Variants in KDM4B observed in about 807,000 individuals in gnomAD.
The protein encoded by KDM4B is lysine-specific demethylase 4B.
In KDM4B, 32 loss-of-function variants were observed where a neutral mutation model predicts 125.2. The ratio of observed to expected loss-of-function variants is 0.26; its 90% CI spans 0.19 to 0.34. The LOEUF (loss-of-function observed/expected upper bound fraction) is 0.34, where lower values mean the gene tolerates loss of function less well. Among genes scored for constraint, KDM4B ranks in the 10% least tolerant of loss-of-function variants. The pLI is 1.00. For missense variants in KDM4B, 1,190 were observed against 1,577.7 expected (o/e 0.75, Z 4.16); for synonymous variants, 721 against 677.9 (o/e 1.06, Z -0.99).
In KDM4B at chr19:5,047,659, C is replaced by T. The variant is rs1334539463; in HGVS notation, c.616C>T (p.Pro206Ser). Residue 206 changes from proline to serine, a missense_variant, in exon 6 of 23, where the codon CCT becomes TCT. Pro to Ser is a moderately conservative substitution (Grantham distance 74, BLOSUM62 -1). Around this residue, in one of 7 missense-constraint regions of KDM4B, gnomAD observed 75 missense variants for 218.2 expected, o/e 0.34. Coordinates refer to ENST00000159111, the MANE Select transcript of KDM4B (RefSeq NM_015015.3). ...CATCAACTACCTGCACTTTGGGGAG[C>T]CTAAGTCCTGGTGAGTGTCTGCACT... ...YSINYLHFGE[P>S]KSWYAIPPEH... The T allele has an allele frequency of 2.5e-6, 4 of 1,613,720 alleles. No homozygotes were observed. The highest frequency in any genetic ancestry group is 1.7e-6 in the Non-Finnish European group (2 of 1,179,732).
intron 6 of KDM4B, among the ~76,000 whole-genome samples, chr19:5,068,027 A>G (rs544672752): frequency 3.0e-4 from 45 of 152,016 alleles, no homozygotes; most frequent in African/African-American, 1.1e-3. Flanking sequence ...TAATAGCCAG[A>G]CAGATGCTCC....
At chr19:5,111,546 C>G in intron 10 of KDM4B, 1 of 761,920 alleles carries the variant, frequency 1.3e-6, no homozygotes. Context: ...AGAGTGAAGG[C>G]GAGCACCGGC....
At chr19:5,039,062 G>A (rs1394475201) in intron 3 of KDM4B, among the ~76,000 whole-genome samples, 1 of 152,268 alleles carries the variant, frequency 6.6e-6, no homozygotes, top group East Asian at 1.9e-4. Flanking sequence ...TGGGCTCTTG[G>A]TAGCCAGTGG....
intron 9 of KDM4B, among the ~76,000 whole-genome samples, chr19:5,101,936 A>G (rs889206476): frequency 6.6e-5 from 10 of 152,146 alleles, no homozygotes; most frequent in Non-Finnish European, 1.3e-4. Flanking sequence ...CCCAGCCCAG[A>G]CACCCACCTT....
intron 11 of KDM4B, among the ~76,000 whole-genome samples, chr19:5,125,101 T>C (rs1400886277): frequency 2.0e-5 from 3 of 151,988 alleles, no homozygotes; most frequent in African/African-American, 7.3e-5. Flanking sequence ...GGTCTCGCTA[T>C]GTTGCCCAAG....
At chr19:5,133,489 G>A (rs1432842382) in intron 13 of KDM4B, among the ~76,000 whole-genome samples, 1 of 152,240 alleles carries the variant, frequency 6.6e-6, no homozygotes, top group Non-Finnish European at 1.5e-5. Flanking sequence ...GACGGGTGTA[G>A]GGCAGCCGGG....
At chr19:5,084,997 C>T (rs1392806376) in intron 9 of KDM4B, among the ~76,000 whole-genome samples, 1 of 152,112 alleles carries the variant, frequency 6.6e-6, no homozygotes, top group Non-Finnish European at 1.5e-5. Context: ...CGAGCCACCA[C>T]AGCACACCAC....
At chr19:5,023,063 T>A (rs965325010) in intron 2 of KDM4B, among the ~76,000 whole-genome samples, 7 of 152,086 alleles carry the variant, frequency 4.6e-5, no homozygotes, top group African/African-American at 1.7e-4. Context: ...TGAAGGACCC[T>A]GAGCTGGGAG....
intron 5 of KDM4B, 23 bp downstream of exon 5, chr19:5,041,274 G>A: frequency 6.3e-7 from 1 of 1,575,944 alleles, no homozygotes; most frequent in Non-Finnish European, 8.7e-7. Context: ...CTCCGGGGAA[G>A]AACAGGGACC....
At chr19:5,113,419 G>T (rs1056970842) in intron 10 of KDM4B, 2 of 150,906 alleles carry the variant, frequency 1.3e-5, no homozygotes, top group Non-Finnish European at 2.9e-5. Flanking sequence ...AGCCCAAGCT[G>T]CCCCTCCCTC....
In KDM4B at chr19:5,134,008, G is replaced by A. The variant is rs1278381673; in HGVS notation, c.2032G>A (p.Ala678Thr). The change falls in exon 14 of 23, where the codon GCG (alanine) becomes ACG (threonine). Residue 678 changes from alanine to threonine, a missense_variant. Around this residue, in one of 7 missense-constraint regions of KDM4B, gnomAD observed 128 missense variants for 137.8 expected, o/e 0.93. Transcript: ENST00000159111. ...CGAGAGGAAGTTCAACGCAGCGGCT[G>A]CGCGCACGGAGCCCTACTGCGCCAT... The part of the protein sequence containing the change: ...QAERKFNAAA[A>T]RTEPYCAICT... 2 of 1,611,300 alleles carry A rather than the reference G, an allele frequency of 1.2e-6. No individual in the cohort carries two copies. Among genetic ancestry groups the A allele is most frequent in the Non-Finnish European group, 1.7e-6 (2 of 1,179,802 alleles).
intron 9 of KDM4B, among the ~76,000 whole-genome samples, chr19:5,084,758 G>A (rs536597294): frequency 6.6e-6 from 1 of 151,358 alleles, no homozygotes; most frequent in Non-Finnish European, 1.5e-5. Context: ...AGGCATCCCT[G>A]AGCTATGATT....
At chr19:5,094,455 G>T (rs1028312951) in intron 9 of KDM4B, among the ~76,000 whole-genome samples, 5 of 152,242 alleles carry the variant, frequency 3.3e-5, no homozygotes, top group Non-Finnish European at 7.3e-5. Flanking sequence ...GGGCATTTCA[G>T]CAAGGGAGAG....
At chr19:4,978,314 C>A (rs1376353693) in intron 1 of KDM4B, among the ~76,000 whole-genome samples, 1 of 151,802 alleles carries the variant, frequency 6.6e-6, no homozygotes, top group Non-Finnish European at 1.5e-5. Flanking sequence ...CAAGACCAGC[C>A]TGGCCAACGT....
chr19:5,117,603 G>C (rs1295308939), intron 10 of KDM4B, among the ~76,000 whole-genome samples: 2 of 152,194 alleles, frequency 1.3e-5, no homozygotes, highest in African/African-American at 4.8e-5. Flanking sequence ...CAGGCACCCA[G>C]CATTTGCCTA....
At chr19:5,095,884 C>T (rs1359771825) in intron 9 of KDM4B, among the ~76,000 whole-genome samples, 1 of 152,234 alleles carries the variant, frequency 6.6e-6, no homozygotes, top group Non-Finnish European at 1.5e-5. Context: ...CCCTGGGAAT[C>T]AGACCCTGGC....
Position 5,116,865 on chromosome 19 carries a change from T to C in KDM4B, c.1116-2788T>C, listed in dbSNP as rs574707581. On this transcript the variant is annotated intron_variant, in intron 10 of 22. Transcript: ENST00000159111. ...GTGCAGGGAGAGAAGGGGACGGTCA[T>C]GGAGGCGAGCAAGGATGGCCACACC... is the stretch of plus-strand genomic sequence containing the variant. Among the ~76,000 whole-genome samples the C allele has an allele frequency of 1.6e-3, 247 of 152,240 alleles. 1 individual carries two copies. The highest frequency in any genetic ancestry group is 5.7e-3 in the African/African-American group (238 of 41,528).
intron 14 of KDM4B, among the ~76,000 whole-genome samples, chr19:5,134,833 G>A (rs753485418): frequency 6.6e-6 from 1 of 152,208 alleles, no homozygotes; most frequent in Non-Finnish European, 1.5e-5. Context: ...CTGCTGCTGG[G>A]AGCTGGATTT....
intron 13 of KDM4B, among the ~76,000 whole-genome samples, chr19:5,132,814 G>A (rs755779112): frequency 9.9e-5 from 15 of 152,168 alleles, no homozygotes; most frequent in Non-Finnish European, 1.8e-4. Context: ...TTCTGGGGTT[G>A]TGAGTGACAG....
Sources: allele counts gnomAD v4.1 joint callset (sites outside exome capture counted in the v4.1 genomes callset), GRCh38; gene constraint gnomAD v4.1.1; regional missense constraint gnomAD v4.1.1; transcripts MANE v1.5; gene names NCBI Gene and HGNC (gene_info 2026-07-23, HGNC 2026-07-21).